Variants in DOCK1 observed in about 807,000 individuals in gnomAD.
DOCK1 encodes the protein dedicator of cytokinesis protein 1.
DOCK1 carries 138 observed loss-of-function variants against 262.7 expected under a neutral mutation model. The ratio of observed to expected loss-of-function variants is 0.53; its 90% CI spans 0.46 to 0.61. The LOEUF is 0.61. Among genes scored for constraint, DOCK1 ranks in the 20% least tolerant of loss-of-function variants. The pLI is 0.00. For missense variants in DOCK1, 1,908 were observed against 2,370.7 expected (o/e 0.80, Z 4.05); for synonymous variants, 866 against 867.4 (o/e 1.00, Z 0.03).
chr10:127,169,625 G>C (rs1589748132), intron 27 of DOCK1, among the ~76,000 whole-genome samples: 2 of 152,160 alleles, frequency 1.3e-5, no homozygotes, highest in African/African-American at 2.4e-5. Context: ...CTCTGTGGGT[G>C]CTTTCAGGAT....
intron 1 of DOCK1, among the ~76,000 whole-genome samples, chr10:126,964,215 A>G (rs957042844): frequency 6.6e-6 from 1 of 152,182 alleles, no homozygotes; most frequent in Non-Finnish European, 1.5e-5. Context: ...TTCTCTCTAC[A>G]TGGTGTTTCC....
intron 25 of DOCK1, among the ~76,000 whole-genome samples, chr10:127,122,017 A>G (rs2049616487): frequency 6.6e-6 from 1 of 152,224 alleles, no homozygotes; most frequent in African/African-American, 2.4e-5. Context: ...GCATATCAGC[A>G]AGGAGGAACA....
chr10:127,272,824 C>A (rs7923685), intron 29 of DOCK1, among the ~76,000 whole-genome samples: 22,449 of 152,170 alleles, frequency 0.15, 1,868 homozygotes, highest in East Asian at 0.25. Context: ...CGGTGGCAGA[C>A]AAGAGAAGAG....
At chr10:126,960,801 C>G (rs2037148993) in intron 1 of DOCK1, among the ~76,000 whole-genome samples, 1 of 145,712 alleles carries the variant, frequency 6.9e-6, no homozygotes, top group East Asian at 2.2e-4. Flanking sequence ...TACACACACA[C>G]ACACACACAT....
chr10:127,027,444 C>T (rs1003560754), intron 16 of DOCK1, among the ~76,000 whole-genome samples: 1 of 152,080 alleles, frequency 6.6e-6, no homozygotes, highest in East Asian at 1.9e-4. Context: ...AACAGTTATC[C>T]TGGTGTGATG....
chr10:127,449,862 T>C (rs1591111469), intron 51 of DOCK1, among the ~76,000 whole-genome samples: 2 of 152,304 alleles, frequency 1.3e-5, no homozygotes, highest in South Asian at 4.1e-4. Flanking sequence ...TTCCTGTCAG[T>C]AATCTGAGCT....
At chr10:127,296,843 A>T (rs1206358065) in intron 29 of DOCK1, among the ~76,000 whole-genome samples, 1 of 152,186 alleles carries the variant, frequency 6.6e-6, no homozygotes, top group Non-Finnish European at 1.5e-5. Flanking sequence ...CTGAAGAAGG[A>T]GAGCAGCCTG....
At chr10:127,260,320 G>C (rs2059977921) in intron 29 of DOCK1, among the ~76,000 whole-genome samples, 1 of 152,208 alleles carries the variant, frequency 6.6e-6, no homozygotes, top group Non-Finnish European at 1.5e-5. Flanking sequence ...GATTGGATGA[G>C]ACTTCTGAGG....
intron 1 of DOCK1, among the ~76,000 whole-genome samples, chr10:126,919,981 C>T (rs1215732607): frequency 6.6e-6 from 1 of 152,144 alleles, no homozygotes; most frequent in African/African-American, 2.4e-5. Flanking sequence ...GCACCACTTC[C>T]AGGACTAAGG....
At chr10:127,411,434 C>T (rs184424928) in intron 43 of DOCK1, among the ~76,000 whole-genome samples, 183 of 152,238 alleles carry the variant, frequency 1.2e-3, no homozygotes, top group Non-Finnish European at 2.2e-3. Context: ...CAATACGGAC[C>T]GGGTTATTCT....
chr10:126,985,077 T>C (rs2039281181), intron 4 of DOCK1, among the ~76,000 whole-genome samples: 1 of 150,626 alleles, frequency 6.6e-6, no homozygotes, highest in Admixed American at 6.7e-5. Flanking sequence ...GCCTCCTGCG[T>C]TCAAGCGATT....
chr10:127,251,995 C>T (rs1306165688), intron 28 of DOCK1, among the ~76,000 whole-genome samples: 2 of 152,054 alleles, frequency 1.3e-5, no homozygotes, highest in African/African-American at 4.8e-5. Context: ...AGTTTACAGT[C>T]CCACCAACAG....
intron 27 of DOCK1, among the ~76,000 whole-genome samples, chr10:127,143,176 T>C (rs937383843): frequency 1.3e-5 from 2 of 152,236 alleles, no homozygotes; most frequent in Admixed American, 6.5e-5. Flanking sequence ...AGGAACACAT[T>C]TTTAAAGTTG....
chr10:127,046,525 G>A (rs1256199644), intron 21 of DOCK1, among the ~76,000 whole-genome samples: 3 of 152,068 alleles, frequency 2.0e-5, no homozygotes, highest in Non-Finnish European at 4.4e-5. Context: ...AGGCTGAGGT[G>A]GGCGGATCAT....
At chr10:126,913,909 G>A (rs1332569043) in intron 1 of DOCK1, among the ~76,000 whole-genome samples, 1 of 152,214 alleles carries the variant, frequency 6.6e-6, no homozygotes, top group Non-Finnish European at 1.5e-5. Context: ...CCTTAAGCCT[G>A]AGTTTCTCCT....
intron 38 of DOCK1, among the ~76,000 whole-genome samples, chr10:127,401,214 C>T (rs903064794): frequency 2.6e-5 from 4 of 152,090 alleles, no homozygotes; most frequent in African/African-American, 9.7e-5. Context: ...CCCTAGGAAC[C>T]TTTGGGGAGA....
rs375042364 is a variant in DOCK1 at position 127,425,878 on chromosome 10, C to T, written c.4781C>T (p.Pro1594Leu). Residue 1594 changes from proline (P) to leucine (L), a missense_variant, in exon 47 of 52, where the codon CCT becomes CTT. This residue lies in a region of DOCK1 where 383 missense variants were observed against 420.1 expected (regional missense o/e 0.91). Coordinates refer to ENST00000623213, the MANE Select transcript of DOCK1 (RefSeq NM_001290223.2). Reference sequence around the variant, plus strand: ...GTCAACCTCTCTGTTTTCCAGATTCCTTTTCTGGCCGAAGGGATCAGAATC... The same window carrying T: ...GTCAACCTCTCTGTTTTCCAGATTCTTTTTCTGGCCGAAGGGATCAGAATC... Reference protein sequence around the residue: ...KLKDLIAWQIPFLAEGIRIHG... With the variant: ...KLKDLIAWQILFLAEGIRIHG... The T allele has an allele frequency of 6.2e-7, 1 of 1,613,984 alleles. No homozygotes were observed.
At position 127,052,764 on chromosome 10, in the gene DOCK1, C is replaced by G; in HGVS notation, c.2285C>G (p.Ala762Gly). The G allele has an allele frequency of 6.2e-7, 1 of 1,613,912 alleles. No individual in the cohort carries two copies. The highest frequency in any genetic ancestry group is 1.7e-5 in the Admixed American group (1 of 60,020). The change falls in exon 22 of 52, where the codon GCG (alanine) becomes GGG (glycine). Residue 762 changes from alanine (A) to glycine (G), a missense_variant. Around this residue, in one of 9 missense-constraint regions of DOCK1, gnomAD observed 518 missense variants for 575.1 expected, o/e 0.90. Coordinates refer to ENST00000623213, the MANE Select transcript of DOCK1 (RefSeq NM_001290223.2). ...VNEQLYKAMK[A>G]LESIFKFIVR... ...GAGCAGCTGTACAAAGCCATGAAAG[C>G]GCTAGAATCCATCTTCAAGTTCATC... is the stretch of plus-strand genomic sequence containing the variant.
chr10:127,032,115 T>C, intron 17 of DOCK1, 22 bp from the exon 18 acceptor site: 1 of 1,572,174 alleles, frequency 6.4e-7, no homozygotes, highest in Non-Finnish European at 8.6e-7. Flanking sequence ...GCCTTTGACA[T>C]ACGGCATGAC....
Sources: gnomAD v4.1 joint callset for allele counts (sites outside exome capture counted in the v4.1 genomes callset) on GRCh38, gnomAD v4.1.1 for gene constraint, gnomAD v4.1.1 regional missense constraint, MANE v1.5 for transcripts, NCBI Gene and HGNC (gene_info 2026-07-23, HGNC 2026-07-21) for gene names.